The following PPP2R2B variants were observed in gnomAD, a reference collection of about 807,000 sequenced individuals.
PPP2R2B encodes serine/threonine-protein phosphatase 2A 55 kDa regulatory subunit B beta isoform.
PPP2R2B carries 5 observed loss-of-function variants against 46.0 expected under a neutral mutation model. That is an observed-to-expected ratio of 0.11 (90% confidence interval 0.06 to 0.23). PPP2R2B has a LOEUF of 0.23. Among genes scored for constraint, PPP2R2B ranks in the 10% least tolerant of loss-of-function variants. The pLI, the probability that PPP2R2B is intolerant of heterozygous loss-of-function variation, is 1.00. For missense variants in PPP2R2B, 367 were observed against 575.0 expected, an observed-to-expected ratio of 0.64 and a Z score of 3.70; for synonymous variants, 215 against 206.7, an observed-to-expected ratio of 1.04 and a Z score of -0.34.
chr5:146,806,685 G>T (rs746728529), intron 2 of PPP2R2B, among the ~76,000 whole-genome samples: 8 of 152,194 alleles, frequency 5.3e-5, no homozygotes, highest in Non-Finnish European at 1.2e-4. Context: ...CAGCATACTG[G>T]AATTTTTGCT....
chr5:146,742,250 C>T (rs1752922278), intron 2 of PPP2R2B, among the ~76,000 whole-genome samples: 1 of 152,036 alleles, frequency 6.6e-6, no homozygotes. Flanking sequence ...TTTAATAAAT[C>T]TAAAATGCGC....
intron 1 of PPP2R2B, among the ~76,000 whole-genome samples, chr5:146,944,060 C>G (rs1291558389): frequency 6.6e-6 from 1 of 152,168 alleles, no homozygotes; most frequent in Admixed American, 6.6e-5. Flanking sequence ...CCAGCCTCCT[C>G]ATCCTTATCT....
chr5:146,897,987 C>T (rs1168945001), intron 1 of PPP2R2B, among the ~76,000 whole-genome samples: 2 of 152,102 alleles, frequency 1.3e-5, no homozygotes, highest in Non-Finnish European at 2.9e-5. Flanking sequence ...GAGTTTGAGA[C>T]CAGCCTGGCC....
At chr5:146,745,428 G>A (rs745670880) in intron 2 of PPP2R2B, among the ~76,000 whole-genome samples, 5 of 152,166 alleles carry the variant, frequency 3.3e-5, no homozygotes, top group Non-Finnish European at 7.4e-5. Flanking sequence ...GGAAGATCTA[G>A]AAAGAAAATA....
intron 1 of PPP2R2B, among the ~76,000 whole-genome samples, chr5:146,917,155 G>A (rs1398639305): frequency 6.6e-6 from 1 of 152,170 alleles, no homozygotes; most frequent in African/African-American, 2.4e-5. Context: ...TCTATTTGCT[G>A]ATTTAAATTT....
intron 1 of PPP2R2B, among the ~76,000 whole-genome samples, chr5:146,951,622 G>A (rs552187554): frequency 9.9e-5 from 15 of 152,028 alleles, no homozygotes; most frequent in South Asian, 2.1e-4. Context: ...TTGGTTTTCC[G>A]TTCCTGTGTT....
intron 1 of PPP2R2B, among the ~76,000 whole-genome samples, chr5:147,028,617 G>T (rs561634265): frequency 1.3e-5 from 2 of 152,156 alleles, no homozygotes; most frequent in African/African-American, 4.8e-5. Context: ...TTCATTTAGG[G>T]TTATCATGAA....
chr5:146,657,431 G>C (rs1237805063), intron 5 of PPP2R2B, among the ~76,000 whole-genome samples: 1 of 152,154 alleles, frequency 6.6e-6, no homozygotes, highest in Non-Finnish European at 1.5e-5. Flanking sequence ...ATGGATTTTA[G>C]CTGTTTAGTA....
Position 146,988,341 on chromosome 5 carries a change from T to C in PPP2R2B, c.79+67324A>G, listed in dbSNP as rs76633249. Among the ~76,000 whole-genome samples the C allele has an allele frequency of 0.011, 1,697 of 152,068 alleles. 103 individuals are homozygous for C. In the East Asian group the frequency reaches 0.18, roughly 17 times the overall value. On this transcript the variant is annotated intron_variant, in intron 1 of 8. Coordinates refer to the PPP2R2B transcript ENST00000336640. ...ATTCTTTTCAACAGCACATGGAACA[T>C]TGTCTAAGATAGAATGTATTTTAGG...
rs369378462 is a variant in PPP2R2B at position 146,843,778 on chromosome 5, A to T, written c.70+34224T>A. Among the ~76,000 whole-genome samples, 143 of 152,190 alleles carry T rather than the reference A, an allele frequency of 9.4e-4. 4 individuals are homozygous for T. In the South Asian group the frequency reaches 0.029, roughly 31 times the overall value. On this transcript the variant is annotated intron_variant, in intron 2 of 9. Transcript: ENST00000394411. Reference sequence around the variant, plus strand: ...ATCCATGTCCCTACAAAGGACATGAACTCATCATTTTTTATGGCTGCATAG... The same window carrying T: ...ATCCATGTCCCTACAAAGGACATGATCTCATCATTTTTTATGGCTGCATAG...
intron 1 of PPP2R2B, among the ~76,000 whole-genome samples, chr5:146,918,087 T>G (rs1763458302): frequency 6.6e-6 from 1 of 152,298 alleles, no homozygotes; most frequent in Non-Finnish European, 1.5e-5. Context: ...TCTACCTGCA[T>G]TTTTGTATGT....
At chr5:146,795,288 TTAAG>T (rs988274139) in intron 2 of PPP2R2B, among the ~76,000 whole-genome samples, 12 of 152,146 alleles carry the variant, frequency 7.9e-5, no homozygotes, top group African/African-American at 2.7e-4. Flanking sequence ...TAGAAACAAC[TTAAG>T]TGTCTATCAA....
At chr5:147,055,728 G>T (rs771933823) in exon 1 of PPP2R2B, 5 of 1,613,096 alleles carry the variant, frequency 3.1e-6, no homozygotes, top group Non-Finnish European at 4.2e-6. Context: ...GGCAGGTAAC[G>T]AGAGAAGCAT....
Position 146,893,435 on chromosome 5 carries a change from G to T in PPP2R2B, c.79+162230C>A, listed in dbSNP as rs1333451710. 2.6e-5 allele frequency among the ~76,000 whole-genome samples: 4 copies of T among 152,208 alleles called. No homozygotes were observed. The East Asian group carries it at 7.7e-4, about 29-fold the overall frequency. ...CCATCGACCTAGCTGCCCCATTCCA[G>T]AAACACAGAAGACATTTTGAAAATC... On this transcript the variant is annotated intron_variant, in intron 1 of 8. Transcript: ENST00000336640.
At chr5:146,700,980 G>A in intron 3 of PPP2R2B, 65 bp downstream of exon 3, 2 of 1,390,074 alleles carry the variant, frequency 1.4e-6, no homozygotes, top group South Asian at 1.2e-5. Flanking sequence ...TAAGGATTAA[G>A]GAACAGTAGG....
At position 146,740,884 on chromosome 5, in the gene PPP2R2B, T is replaced by A. The variant is rs186895139; in HGVS notation, c.71-39742A>T. 6.8e-4 allele frequency among the ~76,000 whole-genome samples: 104 copies of A among 152,074 alleles called. No individual in the cohort carries two copies. The East Asian group carries it at 9.5e-3, about 14-fold the overall frequency. On this transcript the variant is annotated intron_variant, in intron 2 of 9. Coordinates refer to ENST00000394411, the MANE Select transcript of PPP2R2B (RefSeq NM_181675.4). ...GTCTCATAGGCCATGAAGCTCACAA[T>A]CACCAAAGGAACACATTAAAAATGC...
chr5:146,968,068 C>A (rs1456383141), intron 1 of PPP2R2B, among the ~76,000 whole-genome samples: 1 of 152,138 alleles, frequency 6.6e-6, no homozygotes, highest in African/African-American at 2.4e-5. Context: ...TATGTAGAGG[C>A]CATCCACATG....
rs551075297 is a variant in PPP2R2B, at chr5:146,812,828, T to TAC, written c.70+65172_70+65173dup. On this transcript the variant is annotated intron_variant, in intron 2 of 9. Coordinates refer to ENST00000394411, the MANE Select transcript of PPP2R2B (RefSeq NM_181675.4). ...ATATATATATATATATATATATATA[T>TAC]ACACACACATTTCCATTATAAAACC... is the stretch of plus-strand genomic sequence containing the variant. Among the ~76,000 whole-genome samples, 20 of 79,648 alleles carry TAC rather than the reference T, an allele frequency of 2.5e-4. 1 individual carries two copies. The highest frequency in any genetic ancestry group is 7.2e-4 in the African/African-American group (14 of 19,472). The allele number at this position is 79,648 out of a possible 152,430, so 52.3% of individuals were successfully genotyped here.
chr5:147,035,321 T>C (rs1270723634), intron 1 of PPP2R2B: 3 of 319,978 alleles, frequency 9.4e-6, no homozygotes, highest in Admixed American at 4.5e-5. Context: ...TCATGAGAAC[T>C]CTATCACGAG....
Sources: allele counts gnomAD v4.1 joint callset (sites outside exome capture counted in the v4.1 genomes callset), GRCh38; gene constraint gnomAD v4.1.1; transcripts MANE v1.5; gene names NCBI Gene and HGNC (gene_info 2026-07-23, HGNC 2026-07-21).